Variants in TMPRSS13 observed in about 807,000 individuals in gnomAD.
The protein encoded by TMPRSS13 is transmembrane serine protease 13.
TMPRSS13 carries 50 observed loss-of-function variants against 68.4 expected under a neutral mutation model. The observed-to-expected ratio is 0.73, with a 90% CI of 0.58 to 0.93. The LOEUF (loss-of-function observed/expected upper bound fraction) is 0.93. Among genes scored for constraint, TMPRSS13 ranks in the 40% least tolerant of loss-of-function variants. The pLI is 0.00. For synonymous variants in TMPRSS13, 267 were observed against 285.8 expected (o/e 0.93, Z 0.66); for missense variants, 615 against 729.2 (o/e 0.84, Z 1.80).
rs1366215831 is a variant in TMPRSS13, at chr11:117,908,627, G to A, written c.1267C>T (p.Pro423Ser). The A allele has an allele frequency of 5.1e-6, 8 of 1,565,560 alleles. No individual in the cohort carries two copies. Among genetic ancestry groups the A allele is most frequent in the East Asian group, 2.3e-5 (1 of 42,600 alleles). ...ATTCCCTCACCGGACAGGGTCAGGG[G>A]CTTGGACAGCCGCATGAGGGCGATG... Reference protein sequence around the residue: ...YDIALMRLSKPLTLSAHIHPA... With the variant: ...YDIALMRLSKSLTLSAHIHPA... The change falls in exon 9 of 13, where the codon CCC becomes TCC. Residue 423 changes from proline (P) to serine (S), a missense_variant. By Grantham distance (74) the Pro-to-Ser change is moderately conservative. Coordinates refer to ENST00000524993, the MANE Select transcript of TMPRSS13 (RefSeq NM_001077263.3).
In TMPRSS13 at chr11:117,908,620, G is replaced by A. The variant is rs757925255; in HGVS notation, c.1274C>T (p.Thr425Ile). ...IALMRLSKPL[T>I]LSAHIHPACL... ...AGTGCAGATTCCCTCACCGGACAGG[G>A]TCAGGGGCTTGGACAGCCGCATGAG... Residue 425 changes from threonine (T) to isoleucine (I), a missense_variant, in exon 9 of 13, where the codon ACC becomes ATC. Transcript: ENST00000524993. 24 of 1,563,008 alleles carry A rather than the reference G, an allele frequency of 1.5e-5. No homozygotes were observed. The highest frequency in any genetic ancestry group is 1.7e-4 in the Middle Eastern group (1 of 6,000).
intron 6 of TMPRSS13, among the ~76,000 whole-genome samples, chr11:117,911,091 C>G (rs892145605): frequency 5.3e-5 from 8 of 152,234 alleles, no homozygotes; most frequent in Non-Finnish European, 1.2e-4. Flanking sequence ...TCTGGTGCTC[C>G]TCTGACACAG....
At chr11:117,905,530 C>T (rs937825933) in intron 10 of TMPRSS13, 108 bp downstream of exon 10, 9 of 914,024 alleles carry the variant, frequency 9.8e-6, no homozygotes, top group East Asian at 3.1e-5. Flanking sequence ...AAACGCTCAT[C>T]GACATAGGCC....
Position 117,929,368 on chromosome 11 carries a change from T to C in TMPRSS13, c.-61A>G, listed in dbSNP as rs10892196. The C allele has an allele frequency of 0.56, 856,567 of 1,541,336 alleles. 239,793 individuals are homozygous for C. The highest frequency in any genetic ancestry group is 0.68 in the African/African-American group (49,641 of 73,224). On this transcript the variant is annotated 5_prime_UTR_variant, in exon 1 of 13. Transcript: ENST00000524993. The stretch of plus-strand genomic sequence containing the variant: ...ATGTCGAGGAGAAGATCCATCTTGG[T>C]CCCTGGCTTCTCAGGCATGTAGGGT...
intron 12 of TMPRSS13, 50 bp from the exon 13 acceptor site, chr11:117,902,315 G>A: frequency 6.2e-7 from 1 of 1,609,108 alleles, no homozygotes; most frequent in Non-Finnish European, 8.5e-7. Context: ...GGTGGGCGAG[G>A]AGCACAGAAG....
intron 1 of TMPRSS13, among the ~76,000 whole-genome samples, chr11:117,925,306 C>T (rs1021910457): frequency 6.6e-6 from 1 of 152,184 alleles, no homozygotes; most frequent in African/African-American, 2.4e-5. Context: ...TGCTGAAGTC[C>T]CTTCTAGTTT....
chr11:117,924,235 G>T (rs1232161886), intron 1 of TMPRSS13, among the ~76,000 whole-genome samples: 2 of 50,246 alleles, frequency 4.0e-5, no homozygotes, highest in Non-Finnish European at 1.2e-4. Flanking sequence ...CTATTGTTGA[G>T]GCGATGAAGG....
At chr11:117,903,535 A>AC (rs1172140306) in intron 12 of TMPRSS13, 120 bp downstream of exon 12, 2 of 1,564,882 alleles carry the variant, frequency 1.3e-6, no homozygotes, top group Non-Finnish European at 8.7e-7. Context: ...TGTCCAGAAC[A>AC]CCCCCCGAAT....
At chr11:117,906,687 T>C (rs2057467760) in intron 9 of TMPRSS13, among the ~76,000 whole-genome samples, 1 of 152,150 alleles carries the variant, frequency 6.6e-6, no homozygotes, top group Non-Finnish European at 1.5e-5. Context: ...GATGAAGGAA[T>C]AGCATGCATT....
chr11:117,920,533 C>T (rs1268541370), intron 1 of TMPRSS13, among the ~76,000 whole-genome samples: 1 of 152,036 alleles, frequency 6.6e-6, no homozygotes, highest in Non-Finnish European at 1.5e-5. Flanking sequence ...TGCCCTGTTG[C>T]CCAGGCTGGA....
intron 1 of TMPRSS13, among the ~76,000 whole-genome samples, chr11:117,926,209 C>T (rs112085026): frequency 1.4e-4 from 19 of 140,568 alleles, no homozygotes; most frequent in African/African-American, 4.7e-4. Flanking sequence ...CCTTGGAGGA[C>T]GAGGTGAGGG....
At position 117,918,709 on chromosome 11, in the gene TMPRSS13, G is replaced by C. The variant is rs760435142; in HGVS notation, c.151C>G (p.Pro51Ala). The change falls in exon 2 of 13, where the codon CCG becomes GCG. Residue 51 changes from proline (P) to alanine (A), a missense_variant. Coordinates refer to ENST00000524993, the MANE Select transcript of TMPRSS13 (RefSeq NM_001077263.3). ...PAQASPAGTP[P>A]GRASPAQASP... ...GCCTGGGCTGGAGATGCCCGGCCCGGAGGTGTCCCAGCTGGAGATGCCTGG... is the reference window on the plus strand; with the variant it reads ...GCCTGGGCTGGAGATGCCCGGCCCGCAGGTGTCCCAGCTGGAGATGCCTGG... 2 of 1,603,828 alleles carry C rather than the reference G, an allele frequency of 1.2e-6. No individual in the cohort carries two copies. Among genetic ancestry groups the C allele is most frequent in the South Asian group, 2.2e-5 (2 of 89,954 alleles).
Position 117,910,711 on chromosome 11 carries a change from A to G in TMPRSS13, c.942T>C (p.Cys314=). 1 of 1,608,820 alleles carries G rather than the reference A, an allele frequency of 6.2e-7. No homozygotes were observed. ...CCAAGAAGAAGAACATCTTACGGGA[A>G]CACTGGAGAGAGATATACCGCTGGG... is the stretch of plus-strand genomic sequence containing the variant. ...CPSQRYISLQ[C]SHCGLRAMTG... The change falls in exon 7 of 13, where the codon TGT becomes TGC. Residue 314 remains cysteine (C), a synonymous_variant. Coordinates refer to ENST00000524993, the MANE Select transcript of TMPRSS13 (RefSeq NM_001077263.3).
At chr11:117,903,528 C>T (rs2057429813) in intron 12 of TMPRSS13, 127 bp downstream of exon 12, 1 of 1,558,874 alleles carries the variant, frequency 6.4e-7, no homozygotes, top group African/African-American at 1.4e-5. Context: ...TTGACCCTGT[C>T]CAGAACACCC....
At position 117,918,748 on chromosome 11, in the gene TMPRSS13, G is replaced by C; in HGVS notation, c.112C>G (p.Gln38Glu). The change falls in exon 2 of 13, where the codon CAG becomes GAG. Residue 38 changes from glutamine to glutamate, a missense_variant. Gln to Glu is a conservative substitution (Grantham distance 29, BLOSUM62 2). Coordinates refer to ENST00000524993, the MANE Select transcript of TMPRSS13 (RefSeq NM_001077263.3). ...GGAGATGCCTGGGCTGGAGATGCCTGGGCTGGAGATGCCCGGCCTGGAGGT... is the reference window on the plus strand; with the variant it reads ...GGAGATGCCTGGGCTGGAGATGCCTCGGCTGGAGATGCCCGGCCTGGAGGT... ...GTPPGRASPAQASPAQASPAG... is the reference protein window; with the variant it reads ...GTPPGRASPAEASPAQASPAG... 1 of 1,611,478 alleles carries C rather than the reference G, an allele frequency of 6.2e-7. No homozygotes were observed. Among genetic ancestry groups the C allele is most frequent in the Non-Finnish European group, 8.5e-7 (1 of 1,179,482 alleles).
chr11:117,908,016 T>A, intron 9 of TMPRSS13: 9 of 993,746 alleles, frequency 9.1e-6, no homozygotes, highest in Non-Finnish European at 1.1e-5. Flanking sequence ...AACAACGTTG[T>A]AGCAATTAGT....
At chr11:117,918,092 C>T (rs572849695) in intron 2 of TMPRSS13, among the ~76,000 whole-genome samples, 2 of 152,258 alleles carry the variant, frequency 1.3e-5, no homozygotes, top group South Asian at 4.1e-4. Flanking sequence ...GGAGAGAACC[C>T]TGTGACTAAC....
rs1044111689 is a variant in TMPRSS13 at position 117,918,669 on chromosome 11, G to A, written c.191C>T (p.Thr64Ile). The A allele has an allele frequency of 9.4e-6, 15 of 1,592,338 alleles. No homozygotes were observed. Among genetic ancestry groups the A allele is most frequent in the Admixed American group, 3.4e-5 (2 of 58,134 alleles). Residue 64 changes from threonine (T) to isoleucine (I), a missense_variant, in exon 2 of 13, where the codon ACA becomes ATA. Transcript: ENST00000524993. Reference protein sequence around the residue: ...ASPAQASPAGTPPGRASPGRA... With the variant: ...ASPAQASPAGIPPGRASPGRA... ...GCCTGGAGATGCCCGGCCTGGAGGT[G>A]TACCAGCTGGAGATGCCTGGGCTGG... is the stretch of plus-strand genomic sequence containing the variant.
intron 12 of TMPRSS13, chr11:117,903,008 G>A: frequency 9.7e-7 from 1 of 1,028,316 alleles, no homozygotes; most frequent in Non-Finnish European, 1.2e-6. Context: ...TTCTGAGGTT[G>A]GATATAGGTT....
Sources: allele counts gnomAD v4.1 joint callset (sites outside exome capture counted in the v4.1 genomes callset), GRCh38; gene constraint gnomAD v4.1.1; transcripts MANE v1.5; gene names NCBI Gene and HGNC (gene_info 2026-07-23, HGNC 2026-07-21).